NET1: variants seen among roughly 807,000 people sequenced by gnomAD.
The protein encoded by NET1 is neuroepithelial cell-transforming gene 1 protein.
In NET1, 42 loss-of-function variants were observed where a neutral mutation model predicts 61.1. The observed-to-expected ratio is 0.69, with a 90% CI of 0.54 to 0.89. The LOEUF (loss-of-function observed/expected upper bound fraction) is 0.89, where lower values mean the gene tolerates loss of function less well. NET1 is among the 40% of genes least tolerant of loss of function. NET1 has a pLI of 0.00. For synonymous variants in NET1, 254 were observed against 281.8 expected, an observed-to-expected ratio of 0.90 and a Z score of 0.99; for missense variants, 654 against 747.3, an observed-to-expected ratio of 0.88 and a Z score of 1.46.
rs762261978 is a variant in NET1, at chr10:5,456,707, C to G, written c.1504C>G (p.Pro502Ala). 4 of 1,614,182 alleles carry G rather than the reference C, an allele frequency of 2.5e-6. No homozygotes were observed. The highest frequency in any genetic ancestry group is 2.5e-6 in the Non-Finnish European group (3 of 1,180,034). Residue 502 changes from proline (P) to alanine (A), a missense_variant, in exon 12 of 12, where the codon CCC becomes GCC. Physicochemically the swap from Pro to Ala is conservative, Grantham distance 27. Transcript: ENST00000355029. The surrounding 1 kb of genome is among the most constrained non-coding windows in gnomAD (Gnocchi z 7.0). ...WFNCIRAAIA[P>A]FQSAGSPPEL... is the part of the protein sequence containing the mutation. ...CAACTGTATTCGAGCGGCCATTGCC[C>G]CCTTCCAGTCGGCAGGCAGTCCACC...
At position 5,420,585 on chromosome 10, in the gene NET1, C is replaced by T. The variant is rs1832156479; in HGVS notation, c.129-6070C>T. On this transcript the variant is annotated intron_variant, in intron 1 of 11. Transcript: ENST00000355029. This position sits in a 1 kb window ranked among gnomAD's most constrained non-coding sequence, Gnocchi z 5.3. ...TTCTGGGTAGTAGGCAAAGGTCTTT[C>T]TTTTTTATTTTATTTTTTTATTTAT... is the stretch of plus-strand genomic sequence containing the variant. Among the ~76,000 whole-genome samples, 1 of 151,878 alleles carries T rather than the reference C, an allele frequency of 6.6e-6. No individual in the cohort carries two copies. Among genetic ancestry groups the T allele is most frequent in the African/African-American group, 2.4e-5 (1 of 41,350 alleles).
intron 1 of NET1, among the ~76,000 whole-genome samples, chr10:5,425,753 T>A (rs1349206161): frequency 5.3e-5 from 8 of 152,202 alleles, no homozygotes; most frequent in African/African-American, 1.9e-4. Context: ...ATGACTCCCT[T>A]GTTGTAGCAA....
In NET1 at chr10:5,444,786, C is replaced by T. The variant is rs549397718; in HGVS notation, c.256-7044C>T. ...TCTAAATCTAGCCTCCAGCCTCTTTCAGGTTTTTGTCCAACATTTCCAACT... is the reference window on the plus strand; with the variant it reads ...TCTAAATCTAGCCTCCAGCCTCTTTTAGGTTTTTGTCCAACATTTCCAACT... On this transcript the variant is annotated intron_variant, in intron 3 of 11. Coordinates refer to ENST00000355029, the MANE Select transcript of NET1 (RefSeq NM_001047160.3). This position sits in a 1 kb window ranked among gnomAD's most constrained non-coding sequence, Gnocchi z 5.3. 6.6e-6 allele frequency among the ~76,000 whole-genome samples: 1 copy of T among 152,208 alleles called. No homozygotes were observed. Among genetic ancestry groups the T allele is most frequent in the Non-Finnish European group, 1.5e-5 (1 of 68,036 alleles).
In NET1 at chr10:5,451,909, C is replaced by T; in HGVS notation, c.335C>T (p.Ala112Val). 6.8e-6 allele frequency: 11 copies of T among 1,613,834 alleles called. No homozygotes were observed. The highest frequency in any genetic ancestry group is 9.3e-6 in the Non-Finnish European group (11 of 1,179,854). ...ANLISPVRNG[A>V]VRRFGQTIQS... ...TTAATCTCTCCTGTAAGAAATGGAG[C>T]TGTCAGACGTTTTGGTCAAACAATA... is the stretch of plus-strand genomic sequence containing the variant. Residue 112 changes from alanine to valine, a missense_variant, in exon 4 of 12, where the codon GCT (alanine) becomes GTT (valine). Physicochemically the swap from Ala to Val is moderately conservative, Grantham distance 64 (BLOSUM62 0). Coordinates refer to ENST00000355029, the MANE Select transcript of NET1 (RefSeq NM_001047160.3). The surrounding 1 kb of genome is among the most constrained non-coding windows in gnomAD (Gnocchi z 6.1).
rs1832712595 is a variant in NET1 at position 5,451,933 on chromosome 10, T to C, written c.359T>C (p.Ile120Thr). 9 of 1,611,694 alleles carry C rather than the reference T, an allele frequency of 5.6e-6. No individual in the cohort carries two copies. In the South Asian group the frequency reaches 6.6e-5, roughly 12 times the overall value. ...NGAVRRFGQT[I>T]QSFTLRGDHR... Reference sequence around the variant, plus strand: ...GCTGTCAGACGTTTTGGTCAAACAATACAGGTAAAAAGAGAGGAGGAAGAG... The same window carrying C: ...GCTGTCAGACGTTTTGGTCAAACAACACAGGTAAAAAGAGAGGAGGAAGAG... The change falls in exon 4 of 12, where the codon ATA (isoleucine) becomes ACA (threonine). Residue 120 changes from isoleucine (I) to threonine (T), a missense_variant. Ile to Thr is a moderately conservative substitution (Grantham distance 89). Transcript: ENST00000355029. The surrounding 1 kb of genome is among the most constrained non-coding windows in gnomAD (Gnocchi z 6.1).
In NET1 at chr10:5,412,726, C is replaced by T. The variant is rs1161682058; in HGVS notation, c.34C>T (p.Arg12Ter). 2.7e-6 allele frequency: 4 copies of T among 1,479,560 alleles called. No individual in the cohort carries two copies. Among genetic ancestry groups the T allele is most frequent in the Non-Finnish European group, 3.6e-6 (4 of 1,123,452 alleles). The allele number at this position is 1,479,560 out of a possible 1,614,324, so 91.7% of individuals were successfully genotyped here. A position where few individuals can be genotyped will look rare whatever the true frequency, so the allele number is the denominator to read the frequency against. The change falls in exon 1 of 12, where the codon CGA becomes TGA. Residue 12 changes from arginine to a stop codon, truncating the protein, a stop_gained. Transcript: ENST00000355029. LOFTEE classifies it high-confidence loss of function. The surrounding 1 kb of genome is among the most constrained non-coding windows in gnomAD (Gnocchi z 6.5). ...EPELAAQKQP[R>*]PRRRSRRASG... ...CGAGCTGGCGGCTCAGAAGCAGCCT[C>T]GACCGCGGAGGCGAAGCCGCCGGGC...
At chr10:5,414,146 T>G (rs749716635) in intron 1 of NET1, among the ~76,000 whole-genome samples, 1 of 152,142 alleles carries the variant, frequency 6.6e-6, no homozygotes. Context: ...TATTACTATA[T>G]TAACAGTGAT....
In NET1 at chr10:5,447,788, G is replaced by A. The variant is rs1463259914; in HGVS notation, c.256-4042G>A. ...GCTTTGGTTTTTGTTCTTGGTTTTG[G>A]TCTTTGCCTATGTGTCGGTTTTCTC... On this transcript the variant is annotated intron_variant, in intron 3 of 11. Transcript: ENST00000355029. This position sits in a 1 kb window ranked among gnomAD's most constrained non-coding sequence, Gnocchi z 4.1. Among the ~76,000 whole-genome samples the A allele has an allele frequency of 7.9e-5, 12 of 152,176 alleles. No individual in the cohort carries two copies. Among genetic ancestry groups the A allele is most frequent in the Admixed American group, 6.5e-4 (10 of 15,274 alleles).
In NET1 at chr10:5,451,972, G is replaced by A. The variant is rs772126521; in HGVS notation, c.363+35G>A. 19 of 1,495,734 alleles carry A rather than the reference G, an allele frequency of 1.3e-5. No individual in the cohort carries two copies. The highest frequency in any genetic ancestry group is 4.1e-5 in the African/African-American group (3 of 72,440). 92.7% of individuals were successfully genotyped at this position (1,495,734 alleles called of 1,614,324 possible). A position where few individuals can be genotyped will look rare whatever the true frequency, so the allele number is the denominator to read the frequency against. ...GAGGAGGAAGAGTAATGTAGTCAGC[G>A]GACTTTATAGAAGCCTGGAATTTGT... On this transcript the variant is annotated intron_variant, in intron 4 of 11. Transcript: ENST00000355029. The surrounding 1 kb of genome is among the most constrained non-coding windows in gnomAD (Gnocchi z 6.1).
chr10:5,416,548 A>G lies in NET1; in HGVS notation c.128+3728A>G, dbSNP rs939528950. On this transcript the variant is annotated intron_variant, in intron 1 of 11. Coordinates refer to ENST00000355029, the MANE Select transcript of NET1 (RefSeq NM_001047160.3). This position sits in a 1 kb window ranked among gnomAD's most constrained non-coding sequence, Gnocchi z 6.1. ...TCCATGGACAAGGGATGTTTTTCCA[A>G]TTATTTAGATCTTTAATTATTTTCA... Among the ~76,000 whole-genome samples the G allele has an allele frequency of 6.6e-6, 1 of 152,182 alleles. No homozygotes were observed. The highest frequency in any genetic ancestry group is 1.5e-5 in the Non-Finnish European group (1 of 68,026).
Position 5,420,462 on chromosome 10 carries a change from C to T in NET1, c.129-6193C>T, listed in dbSNP as rs1832154039. Among the ~76,000 whole-genome samples the T allele has an allele frequency of 6.6e-6, 1 of 152,300 alleles. No homozygotes were observed. Among genetic ancestry groups the T allele is most frequent in the Admixed American group, 6.5e-5 (1 of 15,300 alleles). On this transcript the variant is annotated intron_variant, in intron 1 of 11. Transcript: ENST00000355029. The surrounding 1 kb of genome is among the most constrained non-coding windows in gnomAD (Gnocchi z 5.3). ...TGTTTGTTGATACATCTCCTCTATA[C>T]ACCTGTGCAAGTTTCTCTGGGGCAG...
At position 5,441,410 on chromosome 10, in the gene NET1, A is replaced by G. The variant is rs551696624; in HGVS notation, c.256-10420A>G. Among the ~76,000 whole-genome samples the G allele has an allele frequency of 6.6e-6, 1 of 152,372 alleles. No individual in the cohort carries two copies. The highest frequency in any genetic ancestry group is 1.9e-4 in the East Asian group (1 of 5,186). ...CTGAGAAAACAGGAGGCTGGGCACA[A>G]GACACAATATCCTTTTGTCTTTAGT... On this transcript the variant is annotated intron_variant, in intron 3 of 11. Transcript: ENST00000355029. The surrounding 1 kb of genome is among the most constrained non-coding windows in gnomAD (Gnocchi z 4.6).
Position 5,424,192 on chromosome 10 carries a change from C to T in NET1, c.129-2463C>T, listed in dbSNP as rs1832222676. Among the ~76,000 whole-genome samples, 2 of 152,126 alleles carry T rather than the reference C, an allele frequency of 1.3e-5. No individual in the cohort carries two copies. The highest frequency in any genetic ancestry group is 4.1e-4 in the South Asian group (2 of 4,828). ...AAGTATTTACTGAATATTTTAAGTG[C>T]CACAGTTAATGCCACTTTGTAATGT... On this transcript the variant is annotated intron_variant, in intron 1 of 11. Transcript: ENST00000355029. This position sits in a 1 kb window ranked among gnomAD's most constrained non-coding sequence, Gnocchi z 6.1.
At position 5,423,513 on chromosome 10, in the gene NET1, G is replaced by A. The variant is rs796333433; in HGVS notation, c.129-3142G>A. On this transcript the variant is annotated intron_variant, in intron 1 of 11. Coordinates refer to ENST00000355029, the MANE Select transcript of NET1 (RefSeq NM_001047160.3). The surrounding 1 kb of genome is among the most constrained non-coding windows in gnomAD (Gnocchi z 4.4). Reference sequence around the variant, plus strand: ...AAGGAAAATCTACAGGAGTCAAATCGGGAACTTAATTTAATACACTAAGCT... The same window carrying A: ...AAGGAAAATCTACAGGAGTCAAATCAGGAACTTAATTTAATACACTAAGCT... 5.4e-4 allele frequency among the ~76,000 whole-genome samples: 82 copies of A among 152,112 alleles called. No individual in the cohort carries two copies. Among genetic ancestry groups the A allele is most frequent in the African/African-American group, 1.8e-3 (76 of 41,532 alleles).
chr10:5,429,248 T>G lies in NET1; in HGVS notation c.255+19T>G. 1 of 1,544,760 alleles carries G rather than the reference T, an allele frequency of 6.5e-7. No homozygotes were observed. The highest frequency in any genetic ancestry group is 8.9e-7 in the Non-Finnish European group (1 of 1,128,004). ...TCTGAAGGTAAGCCCTGCTGCCCTG[T>G]TAAAGAAAAGCATTTAAAAATATGC... On this transcript the variant is annotated intron_variant, in intron 3 of 11. Transcript: ENST00000355029.
chr10:5,456,119 G>A lies in NET1; in HGVS notation c.1230G>A (p.Leu410=), dbSNP rs768616058. 2.5e-6 allele frequency: 4 copies of A among 1,613,646 alleles called. No individual in the cohort carries two copies. Among genetic ancestry groups the A allele is most frequent in the Middle Eastern group, 1.7e-4 (1 of 6,058 alleles). Residue 410 remains leucine (L), a synonymous_variant, in exon 11 of 12, where the codon TTG becomes TTA. Transcript: ENST00000355029. The surrounding 1 kb of genome is among the most constrained non-coding windows in gnomAD (Gnocchi z 7.0). ...KLYIFLFQDI[L]VLTRPVTRNE... ...ACATTTTCCTGTTTCAAGACATCTT[G>A]GTTCTGACTCGGCCCGTCACACGGA... is the stretch of plus-strand genomic sequence containing the variant.
In NET1 at chr10:5,457,621, T is replaced by G. The variant is rs1249491367; in HGVS notation, c.*627T>G. 1.3e-5 allele frequency: 2 copies of G among 152,626 alleles called. No homozygotes were observed. The highest frequency in any genetic ancestry group is 2.9e-5 in the Non-Finnish European group (2 of 68,038). 9.5% of individuals were successfully genotyped at this position (152,626 alleles called of 1,614,324 possible). On this transcript the variant is annotated 3_prime_UTR_variant, in exon 12 of 12. Coordinates refer to ENST00000355029, the MANE Select transcript of NET1 (RefSeq NM_001047160.3). This position sits in a 1 kb window ranked among gnomAD's most constrained non-coding sequence, Gnocchi z 5.4. Reference sequence around the variant, plus strand: ...TTAATTTTTTTATTGTAAAGTAGTTTTTAGCATTTGCTTTTATTTTTTTAC... The same window carrying G: ...TTAATTTTTTTATTGTAAAGTAGTTGTTAGCATTTGCTTTTATTTTTTTAC...
intron 2 of NET1, 70 bp from the exon 3 acceptor site, chr10:5,429,100 T>A: frequency 1.8e-6 from 2 of 1,085,910 alleles, no homozygotes; most frequent in Non-Finnish European, 2.7e-6. Context: ...TCTAGTTTTA[T>A]AGAGTCTTTG....
chr10:5,415,742 TTCATTTTTA>T lies in NET1; in HGVS notation c.128+2923_128+2931del, dbSNP rs1410475764. Among the ~76,000 whole-genome samples, 4 of 152,198 alleles carry T rather than the reference TTCATTTTTA, an allele frequency of 2.6e-5. No homozygotes were observed. The highest frequency in any genetic ancestry group is 5.9e-5 in the Non-Finnish European group (4 of 68,024). ...GCGTGAGCCACCGCACCTGGCCCTG[TTCATTTTTA>T]AATTTCTTTTTTATTGAGTTGTTAA... On this transcript the variant is annotated intron_variant, in intron 1 of 11. Coordinates refer to ENST00000355029, the MANE Select transcript of NET1 (RefSeq NM_001047160.3). This position sits in a 1 kb window ranked among gnomAD's most constrained non-coding sequence, Gnocchi z 4.7.
Sources: gnomAD v4.1 joint callset for allele counts (sites outside exome capture counted in the v4.1 genomes callset) on GRCh38, gnomAD v4.1.1 for gene constraint, Gnocchi (gnomAD v3.1) non-coding constraint, MANE v1.5 for transcripts, NCBI Gene and HGNC (gene_info 2026-07-23, HGNC 2026-07-21) for gene names.